Variants in DGKH observed in about 807,000 individuals in gnomAD.
DGKH encodes the protein DAG kinase eta.
DGKH carries 90 observed loss-of-function variants against 159.3 expected under a neutral mutation model. That is an observed-to-expected ratio of 0.57 (90% CI 0.48 to 0.67). DGKH has a LOEUF of 0.67. Ranked by LOEUF, DGKH falls within the 30% of genes least tolerant of loss-of-function variation. The probability of loss-of-function intolerance (pLI) is 0.00; values close to 1 mark genes in which losing one functional copy is unlikely to be tolerated. For synonymous variants in DGKH, 536 were observed against 553.8 expected, an observed-to-expected ratio of 0.97 and a Z score of 0.45; for missense variants, 1,181 against 1,506.1, an observed-to-expected ratio of 0.78 and a Z score of 3.57.
intron 1 of DGKH, chr13:42,069,707 C>T (rs1882828726): frequency 8.8e-7 from 1 of 1,130,966 alleles, no homozygotes; most frequent in East Asian, 2.4e-5. Context: ...CAGTTAACTT[C>T]ATTCTCTCTC....
chr13:42,254,772 G>A (rs1028803460), intron 30 of DGKH, among the ~76,000 whole-genome samples: 4 of 151,996 alleles, frequency 2.6e-5, no homozygotes, highest in African/African-American at 4.8e-5. Flanking sequence ...ATATGTGTAC[G>A]TATGTGTGTA....
At chr13:42,103,829 C>T (rs924233336) in intron 1 of DGKH, among the ~76,000 whole-genome samples, 2 of 152,086 alleles carry the variant, frequency 1.3e-5, no homozygotes, top group South Asian at 2.1e-4. Context: ...AATCAGGGTT[C>T]GGTTAGGAAG....
At chr13:42,126,953 C>A (rs1015649301) in intron 1 of DGKH, among the ~76,000 whole-genome samples, 1 of 152,176 alleles carries the variant, frequency 6.6e-6, no homozygotes, top group African/African-American at 2.4e-5. Flanking sequence ...AGTCCTTTAA[C>A]GTGTTTTTCA....
At chr13:42,163,169 A>G (rs1433397387) in intron 7 of DGKH, among the ~76,000 whole-genome samples, 1 of 151,560 alleles carries the variant, frequency 6.6e-6, no homozygotes. Flanking sequence ...AATTTCATCC[A>G]TGTCCCTACA....
chr13:42,157,239 A>G (rs538757036), intron 5 of DGKH, among the ~76,000 whole-genome samples: 1 of 152,322 alleles, frequency 6.6e-6, no homozygotes, highest in Admixed American at 6.5e-5. Context: ...AGAGCTGAAT[A>G]ACTCCTACCA....
rs118050224 is a variant in DGKH, at chr13:42,229,809, A to C, written c.*621A>C. Reference sequence around the variant, plus strand: ...TGCATGTCACATCTAATACTGTAACACTTTAAATAGCTTTCATGTCAGTTT... The same window carrying C: ...TGCATGTCACATCTAATACTGTAACCCTTTAAATAGCTTTCATGTCAGTTT... On this transcript the variant is annotated 3_prime_UTR_variant, in exon 30 of 30. Coordinates refer to ENST00000337343, the MANE Select transcript of DGKH (RefSeq NM_178009.5). 6.6e-6 allele frequency: 1 copy of C among 152,336 alleles called. No individual in the cohort carries two copies. The highest frequency in any genetic ancestry group is 2.4e-5 in the African/African-American group (1 of 41,452). 9.4% of individuals were successfully genotyped at this position (152,336 alleles called of 1,614,324 possible).
rs202129971 is a variant in DGKH, at chr13:42,190,508, C to A, written c.2018C>A (p.Ala673Asp). The change falls in exon 16 of 30, where the codon GCC (alanine) becomes GAC (aspartate). Residue 673 changes from alanine (A) to aspartate (D), a missense_variant. Transcript: ENST00000337343. The stretch of plus-strand genomic sequence containing the variant: ...AAGGAGGAAGCTAAAGATGATGGTG[C>A]CAAAGAATCAATAACTGGTGAGGAA... ...ESKEEAKDDG[A>D]KESITVKTAP... 2 of 1,593,984 alleles carry A rather than the reference C, an allele frequency of 1.3e-6. No individual in the cohort carries two copies. The highest frequency in any genetic ancestry group is 1.4e-5 in the African/African-American group (1 of 73,530).
At chr13:42,097,468 C>A (rs1350066761) in intron 1 of DGKH, among the ~76,000 whole-genome samples, 1 of 152,140 alleles carries the variant, frequency 6.6e-6, no homozygotes, top group Admixed American at 6.6e-5. Flanking sequence ...GTTGGTAACC[C>A]CTGTTATCAG....
intron 1 of DGKH, chr13:42,070,266 G>A: frequency 8.4e-7 from 1 of 1,193,190 alleles, no homozygotes; most frequent in Admixed American, 1.7e-5. Flanking sequence ...TTAAAGGTTT[G>A]TGTGGCTCAG....
intron 3 of DGKH, among the ~76,000 whole-genome samples, chr13:42,152,787 T>A (rs572080361): frequency 6.6e-6 from 1 of 152,182 alleles, no homozygotes; most frequent in African/African-American, 2.4e-5. Context: ...GACAGTTCCC[T>A]GGACTCCTCC....
chr13:42,226,497 A>G (rs1958136070), intron 29 of DGKH, among the ~76,000 whole-genome samples: 1 of 152,202 alleles, frequency 6.6e-6, no homozygotes, highest in African/African-American at 2.4e-5. Flanking sequence ...ACATGCACAC[A>G]TATGTTCATT....
At chr13:42,245,742 C>T (rs894111141), downstream of DGKH, among the ~76,000 whole-genome samples, 1 of 152,034 alleles carries the variant, frequency 6.6e-6, no homozygotes, top group Non-Finnish European at 1.5e-5. Context: ...CGCGCCAACA[C>T]ACCTGGCTAA....
At chr13:42,216,023 G>A (rs774996599) in intron 26 of DGKH, among the ~76,000 whole-genome samples, 5 of 152,224 alleles carry the variant, frequency 3.3e-5, no homozygotes, top group African/African-American at 1.2e-4. Context: ...TTTGTTCCCT[G>A]AATTAGCATT....
At chr13:42,228,982 C>G in intron 29 of DGKH, 117 bp from the exon 30 acceptor site, 1 of 781,890 alleles carries the variant, frequency 1.3e-6, no homozygotes, top group Admixed American at 2.9e-5. Context: ...AATATTTAAT[C>G]CCCAATTTTC....
chr13:42,113,782 T>C (rs1594045694), intron 1 of DGKH, among the ~76,000 whole-genome samples: 1 of 152,010 alleles, frequency 6.6e-6, no homozygotes, highest in Non-Finnish European at 1.5e-5. Context: ...CGGGGAAAAA[T>C]AGTTCTTATA....
intron 1 of DGKH, among the ~76,000 whole-genome samples, chr13:42,104,390 A>G (rs1386066881): frequency 6.6e-6 from 1 of 152,258 alleles, no homozygotes; most frequent in African/African-American, 2.4e-5. Flanking sequence ...GGCCTAGGCC[A>G]AAGTGGCACC....
rs143149572 is a variant in DGKH, at chr13:42,199,992, G to A, written c.2493+83G>A. On this transcript the variant is annotated intron_variant, in intron 20 of 29. Coordinates refer to ENST00000337343, the MANE Select transcript of DGKH (RefSeq NM_178009.5). Reference sequence around the variant, plus strand: ...TTTGGAGCTAATTTGACCTAAATGCGTTTTGATTAGCAATTAAATAAATAT... The same window carrying A: ...TTTGGAGCTAATTTGACCTAAATGCATTTTGATTAGCAATTAAATAAATAT... 2.9e-4 allele frequency: 329 copies of A among 1,120,482 alleles called. 1 individual carries two copies. Among genetic ancestry groups the A allele is most frequent in the African/African-American group, 2.6e-3 (164 of 63,076 alleles). The allele number at this position is 1,120,482 out of a possible 1,614,324, so 69.4% of individuals were successfully genotyped here. A position where few individuals can be genotyped will look rare whatever the true frequency, so the allele number is the denominator to read the frequency against.
intron 1 of DGKH, among the ~76,000 whole-genome samples, chr13:42,054,004 A>C (rs967928755): frequency 6.6e-6 from 1 of 152,246 alleles, no homozygotes; most frequent in African/African-American, 2.4e-5. Context: ...TGAAGGATGT[A>C]TAAGTAAACT....
intron 1 of DGKH, among the ~76,000 whole-genome samples, chr13:42,088,709 AAAAG>A (rs1427763229): frequency 3.3e-5 from 5 of 152,160 alleles, no homozygotes; most frequent in African/African-American, 9.6e-5. Flanking sequence ...AAGGCAAGAA[AAAAG>A]AAAGAAGAGA....
Sources: allele counts gnomAD v4.1 joint callset (sites outside exome capture counted in the v4.1 genomes callset), GRCh38; gene constraint gnomAD v4.1.1; transcripts MANE v1.5; gene names NCBI Gene and HGNC (gene_info 2026-07-23, HGNC 2026-07-21).